The following TBC1D5 variants were observed in gnomAD, a reference collection of about 807,000 sequenced individuals.
The protein encoded by TBC1D5 is TBC1 domain family member 5.
Under a neutral mutation model 100.3 loss-of-function variants are expected in TBC1D5, and 75 were observed. The observed-to-expected ratio is 0.75, with a 90% CI of 0.62 to 0.91. TBC1D5 has a LOEUF of 0.91. Ranked by LOEUF, TBC1D5 falls within the 40% of genes least tolerant of loss-of-function variation. The pLI is 0.00. For synonymous variants in TBC1D5, 323 were observed against 325.6 expected (o/e 0.99, Z 0.09); for missense variants, 910 against 942.4 (o/e 0.97, Z 0.45).
chr3:17,413,056 C>T lies in TBC1D5; in HGVS notation c.168-6530G>A, dbSNP rs147614356. 1.9e-4 allele frequency among the ~76,000 whole-genome samples: 29 copies of T among 152,256 alleles called. 2 individuals are homozygous for T. In the East Asian group the frequency reaches 5.2e-3, roughly 27 times the overall value. ...TTAAGAACCTGGGTGTTTAGGTGTG[C>T]AAAACCTTAAATGGAATGGATTAGC... is the stretch of plus-strand genomic sequence containing the variant. On this transcript the variant is annotated intron_variant, in intron 4 of 21. Transcript: ENST00000253692.
intron 3 of TBC1D5, among the ~76,000 whole-genome samples, chr3:17,448,802 C>A (rs2094857607): frequency 6.6e-6 from 1 of 152,170 alleles, no homozygotes; most frequent in Non-Finnish European, 1.5e-5. Flanking sequence ...CTTAAGGGCC[C>A]TAGGATCCTC....
chr3:17,280,730 C>T (rs554079695), intron 15 of TBC1D5, among the ~76,000 whole-genome samples: 64 of 152,216 alleles, frequency 4.2e-4, no homozygotes, highest in African/African-American at 1.4e-3. Context: ...TCAATTCAGC[C>T]GTGCGACCTG....
At chr3:17,375,972 T>C (rs1321278131) in intron 10 of TBC1D5, among the ~76,000 whole-genome samples, 1 of 152,146 alleles carries the variant, frequency 6.6e-6, no homozygotes, top group African/African-American at 2.4e-5. Flanking sequence ...GTATCTTAAG[T>C]TAGAAAAATG....
chr3:17,394,676 T>C (rs376700967), intron 8 of TBC1D5, among the ~76,000 whole-genome samples: 47 of 152,244 alleles, frequency 3.1e-4, no homozygotes, highest in African/African-American at 1.1e-3. Flanking sequence ...TTTTCTTTAT[T>C]TGAATCTTGA....
At chr3:17,161,361 C>G in intron 21 of TBC1D5, 105 bp from the exon 23 acceptor site, 2 of 1,289,000 alleles carry the variant, frequency 1.6e-6, no homozygotes, top group Non-Finnish European at 2.1e-6. Context: ...AGCTAGGCCA[C>G]CTCACCCTAC....
chr3:17,270,586 T>C (rs569926724), intron 15 of TBC1D5, among the ~76,000 whole-genome samples: 35 of 152,278 alleles, frequency 2.3e-4, no homozygotes, highest in Non-Finnish European at 3.7e-4. Context: ...GTCTACTCTG[T>C]TGATAGTTTC....
chr3:17,696,948 A>T (rs1442548982), intron 1 of TBC1D5, among the ~76,000 whole-genome samples: 1 of 152,248 alleles, frequency 6.6e-6, no homozygotes, highest in Non-Finnish European at 1.5e-5. Flanking sequence ...GGCTGATTCA[A>T]CATACGCAAA....
rs140858123 is a variant in TBC1D5, at chr3:17,197,068, C to T, written c.1753-11860G>A. 3.9e-4 allele frequency among the ~76,000 whole-genome samples: 60 copies of T among 152,290 alleles called. No individual in the cohort carries two copies. The East Asian group carries it at 8.3e-3, about 21-fold the overall frequency. ...AGATATCTGCCAGCTACCTCCATTCCGTGTGTGTTATGGGCTACTTCCATA... is the reference window on the plus strand; with the variant it reads ...AGATATCTGCCAGCTACCTCCATTCTGTGTGTGTTATGGGCTACTTCCATA... On this transcript the variant is annotated intron_variant, in intron 18 of 21. Coordinates refer to ENST00000253692, the Ensembl canonical transcript of TBC1D5.
At chr3:17,544,174 A>T (rs922084794) in intron 2 of TBC1D5, among the ~76,000 whole-genome samples, 5 of 151,984 alleles carry the variant, frequency 3.3e-5, no homozygotes, top group African/African-American at 1.2e-4. Context: ...GGCCCAGAAA[A>T]TCTGCTTTTC....
At chr3:17,617,645 T>C (rs1357332465) in intron 2 of TBC1D5, among the ~76,000 whole-genome samples, 2 of 152,238 alleles carry the variant, frequency 1.3e-5, no homozygotes, top group African/African-American at 4.8e-5. Context: ...TTTCATTAAT[T>C]TGATCTTCAA....
At chr3:17,200,250 A>G (rs1438376927) in intron 18 of TBC1D5, among the ~76,000 whole-genome samples, 3 of 152,246 alleles carry the variant, frequency 2.0e-5, no homozygotes, top group Non-Finnish European at 4.4e-5. Context: ...GGCCATAGAT[A>G]GAACTGTACA....
intron 13 of TBC1D5, among the ~76,000 whole-genome samples, chr3:17,342,127 A>T (rs1449044285): frequency 2.6e-5 from 4 of 152,204 alleles, no homozygotes; most frequent in Non-Finnish European, 4.4e-5. Flanking sequence ...CACCTAATGA[A>T]TGCCTTTGTG....
At chr3:17,412,470 A>G (rs148743881) in intron 4 of TBC1D5, among the ~76,000 whole-genome samples, 1 of 152,284 alleles carries the variant, frequency 6.6e-6, no homozygotes, top group East Asian at 1.9e-4. Flanking sequence ...AGGTTTTTTT[A>G]CAATCACAAA....
intron 15 of TBC1D5, among the ~76,000 whole-genome samples, chr3:17,288,349 A>C (rs1348037887): frequency 6.6e-6 from 1 of 152,182 alleles, no homozygotes; most frequent in Non-Finnish European, 1.5e-5. Flanking sequence ...AATCCTAAGT[A>C]GACAGGGATG....
chr3:17,429,477 T>C (rs888670068), intron 3 of TBC1D5, among the ~76,000 whole-genome samples: 19 of 151,876 alleles, frequency 1.3e-4, no homozygotes, highest in Non-Finnish European at 2.8e-4. Flanking sequence ...CTTTCAAACA[T>C]CAGGTTGTAT....
chr3:17,622,495 T>G (rs1004022922), intron 2 of TBC1D5, among the ~76,000 whole-genome samples: 1 of 151,940 alleles, frequency 6.6e-6, no homozygotes, highest in Admixed American at 6.6e-5. Context: ...GTTGTCCATA[T>G]CTCTTATTTT....
At chr3:17,581,701 C>A (rs541394331) in intron 2 of TBC1D5, among the ~76,000 whole-genome samples, 1 of 152,290 alleles carries the variant, frequency 6.6e-6, no homozygotes, top group Non-Finnish European at 1.5e-5. Flanking sequence ...GCCCTCGCTC[C>A]CTTAAAATCT....
At chr3:17,207,395 A>T (rs1013228099) in intron 18 of TBC1D5, among the ~76,000 whole-genome samples, 1 of 152,232 alleles carries the variant, frequency 6.6e-6, no homozygotes, top group African/African-American at 2.4e-5. Context: ...CTTTCTCTTC[A>T]AGACAAACCA....
chr3:17,605,078 C>CA (rs1162351678), intron 2 of TBC1D5, among the ~76,000 whole-genome samples: 2 of 152,092 alleles, frequency 1.3e-5, no homozygotes, highest in Admixed American at 6.5e-5. Flanking sequence ...TGTTCTTCAA[C>CA]AAAAAACAAC....
Sources: allele counts gnomAD v4.1 joint callset (sites outside exome capture counted in the v4.1 genomes callset), GRCh38; gene constraint gnomAD v4.1.1; transcripts MANE v1.5; gene names NCBI Gene and HGNC (gene_info 2026-07-23, HGNC 2026-07-21).